Variants in POLRMT observed in about 807,000 individuals in gnomAD.
POLRMT encodes DNA-directed RNA polymerase, mitochondrial.
A neutral mutation model predicts 132.2 loss-of-function variants in POLRMT; 114 were observed. The ratio of observed to expected loss-of-function variants is 0.86; its 90% CI spans 0.74 to 1.01. The LOEUF (loss-of-function observed/expected upper bound fraction) is 1.01. Among genes scored for constraint, POLRMT ranks in the 50% least tolerant of loss-of-function variants. The pLI is 0.00. For synonymous variants in POLRMT, 1,020 were observed against 773.4 expected (o/e 1.32, Z -5.29); for missense variants, 2,003 against 1,729.1 (o/e 1.16, Z -2.81).
In POLRMT at chr19:632,833, C is replaced by A; in HGVS notation, c.193+1G>T. The A allele has an allele frequency of 6.5e-7, 1 of 1,536,500 alleles. No individual in the cohort carries two copies. ...CGGGCCGCCGTGGGGGTCGCGCTCACCCTCCAGCAGCTCCACGTGGCCCCA... is the reference window on the plus strand; with the variant it reads ...CGGGCCGCCGTGGGGGTCGCGCTCAACCTCCAGCAGCTCCACGTGGCCCCA... On this transcript the variant is annotated splice_donor_variant, in intron 2 of 20. Transcript: ENST00000588649. LOFTEE classifies it high-confidence loss of function.
chr19:620,435 C>G lies in POLRMT; in HGVS notation c.2693G>C (p.Cys898Ser), dbSNP rs143868040. 3.8e-5 allele frequency: 61 copies of G among 1,598,542 alleles called. No homozygotes were observed. The highest frequency in any genetic ancestry group is 6.0e-6 in the Non-Finnish European group (7 of 1,173,106). ...GCGCACAGCGTTCGCCACCTCCATA[C>G]AGCAGGCCAGCGTCTGCCAGGGTTC... ...AEEPWQTLAC[C>S]MEVANAVRAS... The change falls in exon 11 of 21, where the codon TGT becomes TCT. Residue 898 changes from cysteine (C) to serine (S), a missense_variant. Cys to Ser is a moderately radical substitution (Grantham distance 112, BLOSUM62 -1). Coordinates refer to ENST00000588649, the MANE Select transcript of POLRMT (RefSeq NM_005035.4).
At chr19:623,990 G>A (rs1205731521) in intron 5 of POLRMT, among the ~76,000 whole-genome samples, 10 of 152,230 alleles carry the variant, frequency 6.6e-5, no homozygotes, top group South Asian at 2.1e-4. Flanking sequence ...AAAGCCTAGC[G>A]CTTTGAGAAT....
At chr19:620,722 G>A (rs1408141003) in intron 10 of POLRMT, among the ~76,000 whole-genome samples, 1 of 147,426 alleles carries the variant, frequency 6.8e-6, no homozygotes, top group East Asian at 2.0e-4. Flanking sequence ...GAGCTGCCGG[G>A]GGAGGAGGGT....
At chr19:632,068 A>C (rs901091724) in intron 2 of POLRMT, among the ~76,000 whole-genome samples, 8 of 142,522 alleles carry the variant, frequency 5.6e-5, no homozygotes, top group Non-Finnish European at 1.1e-4. Context: ...CCACCGCACC[A>C]GGCCTCGGAC....
Position 622,835 on chromosome 19 carries a change from G to A in POLRMT, c.1441C>T (p.Arg481Trp), listed in dbSNP as rs377471726. The change falls in exon 7 of 21, where the codon CGG becomes TGG. Residue 481 changes from arginine (R) to tryptophan (W), a missense_variant. Physicochemically the swap from Arg to Trp is moderately radical, Grantham distance 101. Transcript: ENST00000588649. Reference protein sequence around the residue: ...LCLLDEREVVRMLLQVLQALP... With the variant: ...LCLLDEREVVWMLLQVLQALP... ...GGAAGACGCACCTGCAGGAGCATCC[G>A]CACCACCTCGCGCTCGTCCAGCAGG... is the stretch of plus-strand genomic sequence containing the variant. 6.9e-5 allele frequency: 111 copies of A among 1,597,730 alleles called. No individual in the cohort carries two copies. The highest frequency in any genetic ancestry group is 8.6e-5 in the Admixed American group (5 of 57,916).
At chr19:628,433 G>T (rs540985007) in intron 3 of POLRMT, among the ~76,000 whole-genome samples, 1 of 152,190 alleles carries the variant, frequency 6.6e-6, no homozygotes, top group Non-Finnish European at 1.5e-5. Flanking sequence ...AGAGCACTGC[G>T]GACTTCACCG....
intron 5 of POLRMT, 43 bp from the exon 6 acceptor site, chr19:623,646 C>A (rs754837924): frequency 3.1e-6 from 5 of 1,600,516 alleles, no homozygotes; most frequent in Non-Finnish European, 4.3e-6. Flanking sequence ...TGCCAGAGGG[C>A]GACCTGCCCT....
At chr19:621,015 G>C (rs781347248) in intron 10 of POLRMT, 43 bp downstream of exon 10, 1 of 1,030,520 alleles carries the variant, frequency 9.7e-7, no homozygotes, top group Non-Finnish European at 1.2e-6. Flanking sequence ...GGGAGGGCGC[G>C]GGGGTGCCGG....
intron 9 of POLRMT, 101 bp downstream of exon 9, chr19:622,048 G>A (rs1984652640): frequency 8.1e-7 from 1 of 1,229,696 alleles, no homozygotes; most frequent in African/African-American, 1.5e-5. Context: ...GGTACTGACG[G>A]CTGCGCTGAG....
At position 617,544 on chromosome 19, in the gene POLRMT, G is replaced by A. The variant is rs140622717; in HGVS notation, c.3581+26C>T. Reference sequence around the variant, plus strand: ...GTTTTGGGGTGGGGGGGGAATCCAGGTAGTTGGGGTCAGGGAGCGCCTTAC... The same window carrying A: ...GTTTTGGGGTGGGGGGGGAATCCAGATAGTTGGGGTCAGGGAGCGCCTTAC... On this transcript the variant is annotated intron_variant, in intron 19 of 20. Transcript: ENST00000588649. The A allele has an allele frequency of 4.8e-5, 77 of 1,610,688 alleles. No homozygotes were observed. The African/African-American group carries it at 7.6e-4, about 16-fold the overall frequency.
rs545265989 is a variant in POLRMT at position 619,776 on chromosome 19, G to C, written c.2887-11C>G. On this transcript the variant is annotated splice_polypyrimidine_tract_variant and intron_variant, in intron 12 of 20. Coordinates refer to ENST00000588649, the MANE Select transcript of POLRMT (RefSeq NM_005035.4). ...ACGGAACACCTCCACCTGCACGGCG[G>C]GTGGGCCGGGGGCGCGGGTCAGCCC... The C allele has an allele frequency of 3.9e-6, 6 of 1,556,532 alleles. 1 individual carries two copies. In the East Asian group the frequency reaches 1.1e-4, roughly 29 times the overall value.
rs775041868 is a variant in POLRMT at position 621,770 on chromosome 19, G to T, written c.1928C>A (p.Ala643Glu). 3 of 1,601,588 alleles carry T rather than the reference G, an allele frequency of 1.9e-6. No homozygotes were observed. The highest frequency in any genetic ancestry group is 3.3e-5 in the Admixed American group (2 of 59,960). Residue 643 changes from alanine (A) to glutamate (E), a missense_variant, in exon 10 of 21, where the codon GCG becomes GAG. Transcript: ENST00000588649. ...KAAEPTLTFE[A>E]VDVPMLCPPL... Reference sequence around the variant, plus strand: ...GGGGCAAAGCATGGGTACATCCACCGCCTCGAAGGTCAGCGTGGGCTCCGC... The same window carrying T: ...GGGGCAAAGCATGGGTACATCCACCTCCTCGAAGGTCAGCGTGGGCTCCGC...
In POLRMT at chr19:617,670, G is replaced by C. The variant is rs1414811913; in HGVS notation, c.3496-15C>G. ...TCCCGGCACACCTGGGCAGGAGTCA[G>C]AGGATCCCCAGGGGTGATCAGGCAG... On this transcript the variant is annotated splice_polypyrimidine_tract_variant and intron_variant, in intron 18 of 20. Coordinates refer to ENST00000588649, the MANE Select transcript of POLRMT (RefSeq NM_005035.4). 4 of 1,612,374 alleles carry C rather than the reference G, an allele frequency of 2.5e-6. No individual in the cohort carries two copies. The African/African-American group carries it at 4.0e-5, about 16-fold the overall frequency.
intron 13 of POLRMT, 94 bp from the exon 14 acceptor site, chr19:619,390 A>T: frequency 7.0e-7 from 1 of 1,429,648 alleles, no homozygotes; most frequent in Middle Eastern, 2.5e-4. Context: ...CCCAAGGCCT[A>T]GGGCCTAGCA....
intron 3 of POLRMT, among the ~76,000 whole-genome samples, chr19:626,446 G>A (rs533204915): frequency 8.1e-5 from 12 of 148,100 alleles, no homozygotes; most frequent in Admixed American, 2.7e-4. Context: ...GAGCCACCAC[G>A]CCCAGCCATG....
intron 1 of POLRMT, chr19:633,165 A>C: frequency 1.7e-6 from 1 of 593,282 alleles, no homozygotes; most frequent in South Asian, 2.5e-5. Flanking sequence ...CTCGAGGTGC[A>C]GCAGGTCAAA....
chr19:628,404 C>G (rs1985173576), intron 3 of POLRMT, among the ~76,000 whole-genome samples: 1 of 152,236 alleles, frequency 6.6e-6, no homozygotes, highest in Non-Finnish European at 1.5e-5. Flanking sequence ...AGGCAGCACG[C>G]CGCCTCCACC....
chr19:622,052 C>T lies in POLRMT; in HGVS notation c.1851+97G>A, dbSNP rs927587802. On this transcript the variant is annotated intron_variant, in intron 9 of 20. Transcript: ENST00000588649. ...GAGTCCTGGGAGGTACTGACGGCTG[C>T]GCTGAGATCAAGGCTCCGCCCAAAG... is the stretch of plus-strand genomic sequence containing the variant. The T allele has an allele frequency of 3.2e-6, 4 of 1,244,928 alleles. No individual in the cohort carries two copies. In the Admixed American group the frequency reaches 7.3e-5, roughly 23 times the overall value. 77.1% of individuals were successfully genotyped at this position (1,244,928 alleles called of 1,614,324 possible). A position where few individuals can be genotyped will look rare whatever the true frequency, so the allele number is the denominator to read the frequency against.
chr19:620,158 G>A, intron 11 of POLRMT, 78 bp from the exon 12 acceptor site: 2 of 1,516,038 alleles, frequency 1.3e-6, no homozygotes, highest in Admixed American at 2.0e-5. Context: ...CCCCCAGGTC[G>A]AGCCGTTCCT....
Sources: allele counts gnomAD v4.1 joint callset (sites outside exome capture counted in the v4.1 genomes callset), GRCh38; gene constraint gnomAD v4.1.1; transcripts MANE v1.5; gene names NCBI Gene and HGNC (gene_info 2026-07-23, HGNC 2026-07-21).